Variants in PRDM4 observed in about 807,000 individuals in gnomAD.
PRDM4 encodes the protein PR domain zinc finger protein 4.
PRDM4 carries 38 observed loss-of-function variants against 62.3 expected under a neutral mutation model. The observed-to-expected ratio is 0.61, with a 90% CI of 0.47 to 0.80. PRDM4 has a LOEUF of 0.80. Ranked by LOEUF, PRDM4 falls within the 30% of genes least tolerant of loss-of-function variation. The probability of loss-of-function intolerance (pLI) is 0.00; values close to 1 mark genes in which losing one functional copy is unlikely to be tolerated. For synonymous variants in PRDM4, 339 were observed against 348.2 expected (o/e 0.97, Z 0.30); for missense variants, 858 against 997.1 (o/e 0.86, Z 1.88).
At chr12:107,749,964 CCTGA>C (rs1419584906) in intron 5 of PRDM4, among the ~76,000 whole-genome samples, 3 of 152,176 alleles carry the variant, frequency 2.0e-5, no homozygotes, top group Admixed American at 6.5e-5. Context: ...CTCCTGTCTT[CCTGA>C]CTCTCAACTG....
Position 107,751,565 on chromosome 12 carries a change from G to A in PRDM4, c.976C>T (p.Pro326Ser), listed in dbSNP as rs1890895496. 1 of 1,612,956 alleles carries A rather than the reference G, an allele frequency of 6.2e-7. No individual in the cohort carries two copies. The highest frequency in any genetic ancestry group is 8.5e-7 in the Non-Finnish European group (1 of 1,179,026). ...SLHEVGLSLE[P>S]VAVSSITQEV... ...TGGGTGATGGAGGAGACAGCCACAG[G>A]TTCTAGGCTGAGGCCAACTTCATGG... The change falls in exon 5 of 12, where the codon CCT becomes TCT. Residue 326 changes from proline (P) to serine (S), a missense_variant. Physicochemically the swap from Pro to Ser is moderately conservative, Grantham distance 74 (BLOSUM62 -1). Transcript: ENST00000228437.
Position 107,741,194 on chromosome 12 carries a change from A to G in PRDM4, c.1676T>C (p.Phe559Ser). ...GATGTGGCTGGTCAGATGGGCTTTG[A>G]ACTCTGTGTAAGAATTGCACTCCTT... Reference protein sequence around the residue: ...CGKECNSYTEFKAHLTSHIHN... With the variant: ...CGKECNSYTESKAHLTSHIHN... Residue 559 changes from phenylalanine to serine, a missense_variant, in exon 10 of 12, where the codon TTC (phenylalanine) becomes TCC (serine). Around this residue, in one of 3 missense-constraint regions of PRDM4, gnomAD observed 355 missense variants for 432.6 expected, o/e 0.82. Transcript: ENST00000228437. 6.2e-7 allele frequency: 1 copy of G among 1,614,136 alleles called. No homozygotes were observed. The highest frequency in any genetic ancestry group is 8.5e-7 in the Non-Finnish European group (1 of 1,180,010).
chr12:107,733,538 G>A lies in PRDM4; in HGVS notation c.*672C>T, dbSNP rs1890234372. On this transcript the variant is annotated 3_prime_UTR_variant, in exon 12 of 12. Transcript: ENST00000228437. The stretch of plus-strand genomic sequence containing the variant: ...GCTTCCATCAAAGCTAATTTCTTGG[G>A]CAGAGGCCAGGCATCTCTCCTCTTG... 1.3e-5 allele frequency: 2 copies of A among 152,294 alleles called. No individual in the cohort carries two copies. Among genetic ancestry groups the A allele is most frequent in the Admixed American group, 1.3e-4 (2 of 15,276 alleles). The allele number at this position is 152,294 out of a possible 1,614,324, so 9.4% of individuals were successfully genotyped here. A position where few individuals can be genotyped will look rare whatever the true frequency, so the allele number is the denominator to read the frequency against.
At position 107,747,739 on chromosome 12, in the gene PRDM4, C is replaced by T. The variant is rs17041588; in HGVS notation, c.1127-1315G>A. 4.8e-3 allele frequency among the ~76,000 whole-genome samples: 724 copies of T among 152,262 alleles called. 19 individuals carry two copies. The East Asian group carries it at 0.054, about 11-fold the overall frequency. ...ACTCAATCATTACATTTAAACTCCA[C>T]AACCATTCACAAAATAGTTGGAATA... On this transcript the variant is annotated intron_variant, in intron 5 of 11. Coordinates refer to ENST00000228437, the MANE Select transcript of PRDM4 (RefSeq NM_012406.4).
In PRDM4 at chr12:107,758,696, G is replaced by A. The variant is rs2136337229; in HGVS notation, c.12-1731C>T. Among the ~76,000 whole-genome samples the A allele has an allele frequency of 2.0e-5, 3 of 152,230 alleles. No homozygotes were observed. In the South Asian group the frequency reaches 6.2e-4, roughly 32 times the overall value. ...ACATTAGGGCCTATCTACTTATATTGTGGCGTATATTTAAAGTTCCACATA... is the reference window on the plus strand; with the variant it reads ...ACATTAGGGCCTATCTACTTATATTATGGCGTATATTTAAAGTTCCACATA... On this transcript the variant is annotated intron_variant, in intron 2 of 11. Coordinates refer to ENST00000228437, the MANE Select transcript of PRDM4 (RefSeq NM_012406.4).
chr12:107,757,692 C>T (rs1432576703), intron 2 of PRDM4, among the ~76,000 whole-genome samples: 4 of 152,146 alleles, frequency 2.6e-5, no homozygotes, highest in Admixed American at 2.6e-4. Context: ...CTGCAAAACA[C>T]TGCCAAAAAG....
chr12:107,741,315 CTTGATA>C, intron 9 of PRDM4, 55 bp from the exon 10 acceptor site: 5 of 1,470,922 alleles, frequency 3.4e-6, no homozygotes, highest in East Asian at 2.3e-5. Flanking sequence ...AAAACTTGTT[CTTGATA>C]TTAACAATCA....
chr12:107,756,642 A>C (rs1364377882), intron 3 of PRDM4, among the ~76,000 whole-genome samples, 190 bp downstream of exon 3: 1 of 152,216 alleles, frequency 6.6e-6, no homozygotes, highest in Non-Finnish European at 1.5e-5. Flanking sequence ...ATCCACTAGA[A>C]TTCTAATACT....
intron 8 of PRDM4, 60 bp downstream of exon 8, chr12:107,743,137 G>T: frequency 3.0e-6 from 4 of 1,346,050 alleles, no homozygotes; most frequent in African/African-American, 1.4e-5. Context: ...TTTATGCAAA[G>T]CTTCCTATTG....
chr12:107,744,977 T>C (rs190827002), intron 6 of PRDM4, among the ~76,000 whole-genome samples: 157 of 152,276 alleles, frequency 1.0e-3, no homozygotes, highest in African/African-American at 3.6e-3. Flanking sequence ...GAAGAATTGC[T>C]TGAACCCAGG....
At position 107,740,894 on chromosome 12, in the gene PRDM4, G is replaced by A. The variant is rs141390597; in HGVS notation, c.1924+52C>T. ...ATCCCTCTACAAAGCCTTTACTACC[G>A]CATTTTCTAATTGTTGCAAAAATTC... On this transcript the variant is annotated intron_variant, in intron 10 of 11. Transcript: ENST00000228437. The A allele has an allele frequency of 8.5e-3, 13,135 of 1,541,702 alleles. 76 individuals are homozygous for A. Among genetic ancestry groups the A allele is most frequent in the Non-Finnish European group, 0.011 (12,062 of 1,130,368 alleles).
At chr12:107,749,707 C>A (rs1890829833) in intron 5 of PRDM4, among the ~76,000 whole-genome samples, 1 of 152,128 alleles carries the variant, frequency 6.6e-6, no homozygotes, top group South Asian at 2.1e-4. Context: ...TGAGAATCAT[C>A]ACCTTTCCCA....
chr12:107,739,448 A>G lies in PRDM4; in HGVS notation c.2028T>C (p.Cys676=). 2 of 1,613,844 alleles carry G rather than the reference A, an allele frequency of 1.2e-6. No homozygotes were observed. The highest frequency in any genetic ancestry group is 8.5e-7 in the Non-Finnish European group (1 of 1,179,860). ...GCATAAACAACTTGTCACAGTAATCACACTTAAGATTCTTCTCCCCAGTGT... is the reference window on the plus strand; with the variant it reads ...GCATAAACAACTTGTCACAGTAATCGCACTTAAGATTCTTCTCCCCAGTGT... ...VIHTGEKNLK[C]DYCDKLFMRR... Residue 676 remains cysteine (C), a synonymous_variant, in exon 11 of 12, where the codon TGT becomes TGC. Coordinates refer to ENST00000228437, the MANE Select transcript of PRDM4 (RefSeq NM_012406.4).
Position 107,742,274 on chromosome 12 carries a change from G to A in PRDM4, c.1556C>T (p.Pro519Leu), listed in dbSNP as rs1239643437. ...KIFFCTSQDI[P>L]PENELLFYYS... ...ATAAAAAAGCAGTTCATTTTCAGGA[G>A]GGATATCTTGTGAGGTGCAGAAAAA... Residue 519 changes from proline (P) to leucine (L), a missense_variant, in exon 9 of 12, where the codon CCT becomes CTT. Pro to Leu is a moderately conservative substitution (Grantham distance 98). Around this residue, in one of 3 missense-constraint regions of PRDM4, gnomAD observed 355 missense variants for 432.6 expected, o/e 0.82. Coordinates refer to ENST00000228437, the MANE Select transcript of PRDM4 (RefSeq NM_012406.4). The A allele has an allele frequency of 1.2e-6, 2 of 1,613,144 alleles. No individual in the cohort carries two copies. Among genetic ancestry groups the A allele is most frequent in the Admixed American group, 3.3e-5 (2 of 59,988 alleles).
intron 2 of PRDM4, among the ~76,000 whole-genome samples, chr12:107,759,185 G>T (rs1222936195): frequency 6.6e-6 from 1 of 152,128 alleles, no homozygotes; most frequent in Admixed American, 6.5e-5. Flanking sequence ...AAGTGGGGAG[G>T]TCGGGGCTAC....
intron 3 of PRDM4, among the ~76,000 whole-genome samples, 198 bp from the exon 4 acceptor site, chr12:107,754,307 T>C (rs1890995356): frequency 6.6e-6 from 1 of 152,200 alleles, no homozygotes. Flanking sequence ...AAGATAGTTT[T>C]TAAGTTAGTT....
chr12:107,758,395 A>T (rs2136336884), intron 2 of PRDM4: 1 of 152,148 alleles, frequency 6.6e-6, no homozygotes, highest in East Asian at 1.9e-4. Flanking sequence ...GACCACAGGC[A>T]AGTGCCACCA....
In PRDM4 at chr12:107,742,212, T is replaced by C. The variant is rs376977808; in HGVS notation, c.1609+9A>G. On this transcript the variant is annotated intron_variant, in intron 9 of 11. Coordinates refer to ENST00000228437, the MANE Select transcript of PRDM4 (RefSeq NM_012406.4). ...AAGCCAGATTCATTATAAACACATA[T>C]TAACTTACCAATCTGTTGAGCATAA... is the stretch of plus-strand genomic sequence containing the variant. The C allele has an allele frequency of 1.4e-4, 220 of 1,611,084 alleles. No homozygotes were observed. The highest frequency in any genetic ancestry group is 1.7e-4 in the Non-Finnish European group (206 of 1,178,536).
intron 11 of PRDM4, chr12:107,736,830 G>C (rs1481131635): frequency 6.6e-6 from 1 of 152,208 alleles, no homozygotes; most frequent in Non-Finnish European, 1.5e-5. Context: ...TTGAATGAAG[G>C]AAGGAAGGAA....
Sources: gnomAD v4.1 joint callset for allele counts (sites outside exome capture counted in the v4.1 genomes callset) on GRCh38, gnomAD v4.1.1 for gene constraint, gnomAD v4.1.1 regional missense constraint, MANE v1.5 for transcripts, NCBI Gene and HGNC (gene_info 2026-07-23, HGNC 2026-07-21) for gene names.